The following FAM185A variants were observed in gnomAD, a reference collection of about 807,000 sequenced individuals.
FAM185A encodes protein FAM185A.
In FAM185A, 21 loss-of-function variants were observed where a neutral mutation model predicts 45.7. The ratio of observed to expected loss-of-function variants is 0.46; its 90% CI spans 0.33 to 0.66. FAM185A has a LOEUF of 0.66. Among genes scored for constraint, FAM185A ranks in the 30% least tolerant of loss-of-function variants. The pLI is 0.03. For missense variants in FAM185A, 305 were observed against 485.4 expected, an observed-to-expected ratio of 0.63 and a Z score of 3.49; for synonymous variants, 117 against 194.0, an observed-to-expected ratio of 0.60 and a Z score of 3.30.
At chr7:102,760,767 GA>G (rs1794065037) in intron 3 of FAM185A, among the ~76,000 whole-genome samples, 1 of 151,854 alleles carries the variant, frequency 6.6e-6, no homozygotes. Flanking sequence ...GAAAAAGCAG[GA>G]AAAAAAGTAT....
intron 7 of FAM185A, among the ~76,000 whole-genome samples, chr7:102,790,078 A>C (rs1796055900): frequency 6.6e-6 from 1 of 151,860 alleles, no homozygotes; most frequent in Non-Finnish European, 1.5e-5. Flanking sequence ...TTGTATCGTA[A>C]CTATTTTTTT....
intron 7 of FAM185A, among the ~76,000 whole-genome samples, chr7:102,805,679 GA>G (rs1235884205): frequency 6.6e-6 from 1 of 151,306 alleles, no homozygotes; most frequent in African/African-American, 2.4e-5. Flanking sequence ...ATAAACTATG[GA>G]AAAAAATTAA....
chr7:102,834,094 G>GGAAGGA, the FAM185A span, among the ~76,000 whole-genome samples: 883 of 86,602 alleles, frequency 0.01, 31 homozygotes, highest in East Asian at 0.028. Context: ...AGAAAAGAAA[G>GGAAGGA]AAAGAAAGAA....
intron 7 of FAM185A, among the ~76,000 whole-genome samples, chr7:102,794,035 CAAAAAAAAAAAA>C (rs765672577): frequency 1.6e-5 from 1 of 60,608 alleles, no homozygotes; most frequent in Non-Finnish European, 3.2e-5. Context: ...GACTCTGTCT[CAAAAAAAAAAAA>C]AAAAAAAAAA....
chr7:102,825,971 G>A, the FAM185A span, among the ~76,000 whole-genome samples: 1 of 152,178 alleles, frequency 6.6e-6, no homozygotes, highest in Admixed American at 6.5e-5. Flanking sequence ...TGTGACCAGT[G>A]ACTAGCATAA....
intron 3 of FAM185A, among the ~76,000 whole-genome samples, chr7:102,759,986 A>C (rs1396582213): frequency 6.6e-6 from 1 of 152,118 alleles, no homozygotes; most frequent in Non-Finnish European, 1.5e-5. Context: ...GGTTGTGAGA[A>C]TCAAATGAGC....
At chr7:102,776,441 T>C (rs1324924754) in intron 5 of FAM185A, among the ~76,000 whole-genome samples, 1 of 152,148 alleles carries the variant, frequency 6.6e-6, no homozygotes, top group African/African-American at 2.4e-5. Flanking sequence ...ATTGACCACA[T>C]AGGGAAATTT....
intron 2 of FAM185A, chr7:102,755,646 C>T (rs1423639634): frequency 6.8e-6 from 4 of 587,238 alleles, no homozygotes; most frequent in Non-Finnish European, 1.2e-5. Flanking sequence ...GACTGTTTTC[C>T]TGCCTGTCCT....
chr7:102,806,682 G>C (rs1211896840), intron 7 of FAM185A, among the ~76,000 whole-genome samples: 5 of 152,186 alleles, frequency 3.3e-5, no homozygotes, highest in African/African-American at 7.2e-5. Flanking sequence ...CTCCAGAGGA[G>C]ATATAACACC....
At chr7:102,845,418 C>T in the FAM185A span, among the ~76,000 whole-genome samples, 1 of 152,052 alleles carries the variant, frequency 6.6e-6, no homozygotes, top group Admixed American at 6.6e-5. Context: ...GGATAAAGAC[C>T]AAGATATATA....
chr7:102,827,898 T>C, the FAM185A span, among the ~76,000 whole-genome samples: 2 of 152,314 alleles, frequency 1.3e-5, no homozygotes, highest in South Asian at 2.1e-4. Context: ...GTTGTAGATA[T>C]GCAGCATTAT....
chr7:102,830,030 C>T, the FAM185A span, among the ~76,000 whole-genome samples: 1 of 152,108 alleles, frequency 6.6e-6, no homozygotes. Context: ...TTTGTATCAG[C>T]GTTCTAAAAT....
chr7:102,777,976 G>C (rs911274483), intron 6 of FAM185A, among the ~76,000 whole-genome samples: 19 of 152,222 alleles, frequency 1.2e-4, no homozygotes, highest in African/African-American at 4.6e-4. Context: ...GTACACATAT[G>C]TGTTGACAAG....
At chr7:102,756,180 C>T (rs1258324897) in intron 2 of FAM185A, among the ~76,000 whole-genome samples, 5 of 151,866 alleles carry the variant, frequency 3.3e-5, no homozygotes, top group Admixed American at 6.6e-5. Flanking sequence ...TGCAGTAGCA[C>T]GATCCTAGCT....
chr7:102,772,898 C>T (rs1011904021), intron 5 of FAM185A, among the ~76,000 whole-genome samples: 2 of 151,892 alleles, frequency 1.3e-5, no homozygotes, highest in Admixed American at 6.6e-5. Flanking sequence ...TACTAGGGAA[C>T]ATATTGGTCA....
Position 102,751,757 on chromosome 7 carries a change from A to C in FAM185A, c.517A>C (p.Lys173Gln). Residue 173 changes from lysine (K) to glutamine (Q), a missense_variant, in exon 2 of 8, where the codon AAA becomes CAA. By Grantham distance (53) the Lys-to-Gln change is moderately conservative. This residue lies in a region of FAM185A where 174 missense variants were observed against 247.1 expected (regional missense o/e 0.70). Coordinates refer to ENST00000413034, the MANE Select transcript of FAM185A (RefSeq NM_001145268.2). ...KVQSIEGDNC[K>Q]IETEHGTSIL... ...TCAAAGTATTGAGGGTGATAATTGC[A>C]AAATTGAAACAGAGCATGGGACTAG... 4 of 1,551,610 alleles carry C rather than the reference A, an allele frequency of 2.6e-6. No individual in the cohort carries two copies. Among genetic ancestry groups the C allele is most frequent in the Middle Eastern group, 3.3e-4 (2 of 5,984 alleles).
the FAM185A span, among the ~76,000 whole-genome samples, chr7:102,848,484 A>G: frequency 1.5e-5 from 1 of 64,914 alleles, no homozygotes; most frequent in Non-Finnish European, 2.6e-5. Flanking sequence ...TGAACCCAAG[A>G]GGCGGAGCTT....
chr7:102,837,846 T>C, the FAM185A span, among the ~76,000 whole-genome samples: 1 of 152,250 alleles, frequency 6.6e-6, no homozygotes, highest in African/African-American at 2.4e-5. Flanking sequence ...CCCAGGCAAC[T>C]TTCTCACTTT....
At chr7:102,821,851 A>C in the FAM185A span, among the ~76,000 whole-genome samples, 1 of 152,190 alleles carries the variant, frequency 6.6e-6, no homozygotes, top group African/African-American at 2.4e-5. Flanking sequence ...GCCTACTGGA[A>C]AAGGGATAGG....
Sources: allele counts gnomAD v4.1 joint callset (sites outside exome capture counted in the v4.1 genomes callset), GRCh38; gene constraint gnomAD v4.1.1; regional missense constraint gnomAD v4.1.1; transcripts MANE v1.5; gene names NCBI Gene and HGNC (gene_info 2026-07-23, HGNC 2026-07-21).